The following LRRC4B variants were observed in gnomAD, a reference collection of about 807,000 sequenced individuals.
The protein encoded by LRRC4B is leucine-rich repeat-containing protein 4B.
Under a neutral mutation model 7.3 loss-of-function variants are expected in LRRC4B, and 1 was observed. That is an observed-to-expected ratio of 0.14 (90% CI 0.05 to 0.65). The LOEUF (loss-of-function observed/expected upper bound fraction) is 0.65, where lower values mean the gene tolerates loss of function less well. Among genes scored for constraint, LRRC4B ranks in the 30% least tolerant of loss-of-function variants. LRRC4B has a pLI of 0.84. For missense variants in LRRC4B, 730 were observed against 1,041.6 expected, an observed-to-expected ratio of 0.70 and a Z score of 4.12; for synonymous variants, 500 against 499.2, an observed-to-expected ratio of 1.00 and a Z score of -0.02.
rs1982258726 is a variant in LRRC4B at position 50,555,901 on chromosome 19, G to A, written c.-35-7028C>T. On this transcript the variant is annotated intron_variant, in intron 1 of 2. Coordinates refer to ENST00000652263, the MANE Select transcript of LRRC4B (RefSeq NM_001080457.2). This position sits in a 1 kb window ranked among gnomAD's most constrained non-coding sequence, Gnocchi z 5.2. ...CACTGCGAGGGACTGGGGCAGAAGT[G>A]GAGCCTGGAGCCCAGAGGGTGGAGA... The A allele has an allele frequency of 6.6e-6, 1 of 152,422 alleles. No individual in the cohort carries two copies. Among genetic ancestry groups the A allele is most frequent in the Admixed American group, 6.5e-5 (1 of 15,280 alleles). The allele number at this position is 152,422 out of a possible 1,614,324, so 9.4% of individuals were successfully genotyped here.
At chr19:50,561,312 C>G (rs558550645) in intron 1 of LRRC4B, among the ~76,000 whole-genome samples, 1 of 152,116 alleles carries the variant, frequency 6.6e-6, no homozygotes, top group Admixed American at 6.5e-5. Flanking sequence ...ACAACCCCCA[C>G]GTCGGTGAGG....
intron 2 of LRRC4B, among the ~76,000 whole-genome samples, chr19:50,546,540 G>A (rs1265181707): frequency 6.6e-5 from 10 of 152,078 alleles, no homozygotes; most frequent in African/African-American, 2.2e-4. Flanking sequence ...GAACCCCTGG[G>A]TGGGGAGGAT....
In LRRC4B at chr19:50,517,420, C is replaced by T. The variant is rs1568712726; in HGVS notation, c.*151G>A. 3 of 622,370 alleles carry T rather than the reference C, an allele frequency of 4.8e-6. No homozygotes were observed. The highest frequency in any genetic ancestry group is 7.0e-6 in the Non-Finnish European group (3 of 426,888). The allele number at this position is 622,370 out of a possible 1,614,324, so 38.6% of individuals were successfully genotyped here. A position where few individuals can be genotyped will look rare whatever the true frequency, so the allele number is the denominator to read the frequency against. On this transcript the variant is annotated 3_prime_UTR_variant, in exon 3 of 3. Coordinates refer to ENST00000652263, the MANE Select transcript of LRRC4B (RefSeq NM_001080457.2). The surrounding 1 kb of genome is among the most constrained non-coding windows in gnomAD (Gnocchi z 6.6). ...CTGTCCTTACTGGGGGTCCGAGCCC[C>T]AGATGGGGCTGGAAGCCACCTCTCC...
rs562476502 is a variant in LRRC4B, at chr19:50,535,363, G to A, written c.297+13179C>T. ...AATTTTTGTATTTTAGTAGAGACAA[G>A]GTTTCACCAAGTTGGCCGGGCTGGT... On this transcript the variant is annotated intron_variant, in intron 2 of 2. Coordinates refer to ENST00000652263, the MANE Select transcript of LRRC4B (RefSeq NM_001080457.2). 2.2e-4 allele frequency among the ~76,000 whole-genome samples: 33 copies of A among 152,010 alleles called. 1 individual carries two copies. In the South Asian group the frequency reaches 6.7e-3, roughly 31 times the overall value.
intron 1 of LRRC4B, among the ~76,000 whole-genome samples, chr19:50,549,342 C>T (rs74435432): frequency 5.3e-5 from 8 of 152,220 alleles, no homozygotes; most frequent in African/African-American, 1.2e-4. Context: ...TCCCAACACC[C>T]GCCCGGTCCC....
chr19:50,562,555 G>A (rs1208188384), intron 1 of LRRC4B, among the ~76,000 whole-genome samples: 5 of 152,152 alleles, frequency 3.3e-5, no homozygotes, highest in Admixed American at 1.3e-4. Context: ...CTCTGCAGTG[G>A]AGCTGTGGCT....
intron 2 of LRRC4B, among the ~76,000 whole-genome samples, chr19:50,543,405 G>T (rs1981644218): frequency 6.6e-6 from 1 of 151,084 alleles, no homozygotes; most frequent in Admixed American, 6.6e-5. Context: ...AAATGAGGAA[G>T]CCACATAGAA....
rs374956137 is a variant in LRRC4B, at chr19:50,517,933, C to T, written c.1780G>A (p.Val594Met). 17 of 1,564,598 alleles carry T rather than the reference C, an allele frequency of 1.1e-5. No homozygotes were observed. Among genetic ancestry groups the T allele is most frequent in the East Asian group, 2.3e-5 (1 of 44,354 alleles). ...AITFMAAVML[V>M]AFYKLRKQHQ... ...TGCTTGCGCAGCTTGTAGAAGGCCA[C>T]GAGCATCACCGCGGCCATGAACGTG... The change falls in exon 3 of 3, where the codon GTG becomes ATG. Residue 594 changes from valine (V) to methionine (M), a missense_variant. Val to Met is a conservative substitution (Grantham distance 21, BLOSUM62 1). Around this residue, in one of 6 missense-constraint regions of LRRC4B, gnomAD observed 160 missense variants for 163.9 expected, o/e 0.98. Transcript: ENST00000652263. The surrounding 1 kb of genome is among the most constrained non-coding windows in gnomAD (Gnocchi z 6.6).
At chr19:50,540,790 T>TATAG (rs1405097875) in intron 2 of LRRC4B, among the ~76,000 whole-genome samples, 1 of 151,824 alleles carries the variant, frequency 6.6e-6, no homozygotes. Flanking sequence ...TGGGACCATC[T>TATAG]AGTTGCAGGA....
In LRRC4B at chr19:50,556,009, C is replaced by G. The variant is rs1158919743; in HGVS notation, c.-35-7136G>C. Among the ~76,000 whole-genome samples, 1 of 152,080 alleles carries G rather than the reference C, an allele frequency of 6.6e-6. No homozygotes were observed. Among genetic ancestry groups the G allele is most frequent in the Non-Finnish European group, 1.5e-5 (1 of 68,022 alleles). The stretch of plus-strand genomic sequence containing the variant: ...GAGACCCGGGTTCTGGGGGAGGGGA[C>G]AGGCAGCGCTGGCGTTCTGAGCCAA... On this transcript the variant is annotated intron_variant, in intron 1 of 2. Coordinates refer to ENST00000652263, the MANE Select transcript of LRRC4B (RefSeq NM_001080457.2). This position sits in a 1 kb window ranked among gnomAD's most constrained non-coding sequence, Gnocchi z 4.2.
intron 1 of LRRC4B, among the ~76,000 whole-genome samples, chr19:50,562,677 G>A (rs1982506498): frequency 6.6e-6 from 1 of 152,050 alleles, no homozygotes; most frequent in Non-Finnish European, 1.5e-5. Flanking sequence ...GGAGTGGCTG[G>A]GGCTGCTGCC....
chr19:50,552,764 C>T (rs1568734215), intron 1 of LRRC4B, among the ~76,000 whole-genome samples: 1 of 152,104 alleles, frequency 6.6e-6, no homozygotes, highest in East Asian at 1.9e-4. Context: ...ATCCACCCAT[C>T]CATCCATCCA....
chr19:50,550,433 G>A (rs910772771), intron 1 of LRRC4B, among the ~76,000 whole-genome samples: 3 of 148,352 alleles, frequency 2.0e-5, no homozygotes, highest in Non-Finnish European at 1.5e-5. Flanking sequence ...CAGTGATGGG[G>A]CACACCCTCT....
intron 2 of LRRC4B, among the ~76,000 whole-genome samples, chr19:50,540,361 T>C (rs1412033684): frequency 6.6e-6 from 1 of 152,104 alleles, no homozygotes; most frequent in African/African-American, 2.4e-5. Flanking sequence ...TTTATTTAAA[T>C]TACAAAAAAA....
intron 2 of LRRC4B, among the ~76,000 whole-genome samples, chr19:50,530,933 G>A (rs867242532): frequency 6.6e-6 from 1 of 150,742 alleles, no homozygotes; most frequent in African/African-American, 2.4e-5. Flanking sequence ...AAACCTGGGG[G>A]GGGGGGGTCT....
Position 50,537,908 on chromosome 19 carries a change from C to T in LRRC4B, c.297+10634G>A, listed in dbSNP as rs1024118817. The stretch of plus-strand genomic sequence containing the variant: ...GAAGTCTCAGCAGCCCGGGAACGGA[C>T]GGCAGAGGGCGCACTGCTCCCTCCT... On this transcript the variant is annotated intron_variant, in intron 2 of 2. Coordinates refer to ENST00000652263, the MANE Select transcript of LRRC4B (RefSeq NM_001080457.2). This position sits in a 1 kb window ranked among gnomAD's most constrained non-coding sequence, Gnocchi z 5.5. Among the ~76,000 whole-genome samples, 54 of 152,106 alleles carry T rather than the reference C, an allele frequency of 3.6e-4. 1 individual carries two copies. The highest frequency in any genetic ancestry group is 1.1e-3 in the African/African-American group (46 of 41,430).
intron 1 of LRRC4B, among the ~76,000 whole-genome samples, chr19:50,562,593 G>A (rs781435169): frequency 6.6e-6 from 1 of 152,156 alleles, no homozygotes; most frequent in Non-Finnish European, 1.5e-5. Flanking sequence ...TTGTTGTAGT[G>A]TTTGAACAAG....
intron 1 of LRRC4B, among the ~76,000 whole-genome samples, chr19:50,566,034 C>A (rs1039091873): frequency 3.9e-5 from 6 of 152,068 alleles, no homozygotes; most frequent in African/African-American, 1.4e-4. Flanking sequence ...TCTCTGTGTG[C>A]GTTTGGACAA....
chr19:50,545,915 G>A (rs188501420), intron 2 of LRRC4B, among the ~76,000 whole-genome samples: 80 of 151,752 alleles, frequency 5.3e-4, no homozygotes, highest in Admixed American at 2.9e-3. Context: ...GTGGAGATGG[G>A]GATTTGCTGT....
Sources: allele counts gnomAD v4.1 joint callset (sites outside exome capture counted in the v4.1 genomes callset), GRCh38; gene constraint gnomAD v4.1.1; regional missense constraint gnomAD v4.1.1; non-coding constraint Gnocchi (gnomAD v3.1); transcripts MANE v1.5; gene names NCBI Gene and HGNC (gene_info 2026-07-23, HGNC 2026-07-21).